Variants in CCT6A observed in about 807,000 individuals in gnomAD.
CCT6A encodes the protein chaperonin containing TCP1 subunit 6A.
CCT6A carries 6 observed loss-of-function variants against 58.6 expected under a neutral mutation model. The observed-to-expected ratio is 0.10, with a 90% confidence interval of 0.06 to 0.20. The LOEUF (loss-of-function observed/expected upper bound fraction) is 0.20, where lower values mean the gene tolerates loss of function less well. Ranked by LOEUF, CCT6A falls within the 10% of genes least tolerant of loss-of-function variation. CCT6A has a pLI of 1.00. For missense variants in CCT6A, 516 were observed against 648.8 expected (o/e 0.80, Z 2.22); for synonymous variants, 245 against 227.8 (o/e 1.08, Z -0.68).
intron 3 of CCT6A, 172 bp from the exon 4 acceptor site, chr7:56,055,452 A>G (rs188279367): frequency 7.2e-6 from 5 of 693,966 alleles, no homozygotes; most frequent in Admixed American, 4.4e-5. Context: ...TCTGCTCTGC[A>G]TTGAAAGGAA....
intron 1 of CCT6A, 74 bp downstream of exon 1, chr7:56,052,059 G>C: frequency 8.0e-7 from 1 of 1,244,428 alleles, no homozygotes; most frequent in East Asian, 3.2e-5. Context: ...CGGGACCGCG[G>C]ACTGGAGCCC....
intron 2 of CCT6A, among the ~76,000 whole-genome samples, chr7:56,053,739 CAGAG>C (rs1794242598): frequency 6.6e-6 from 1 of 152,074 alleles, no homozygotes; most frequent in Non-Finnish European, 1.5e-5. Context: ...GTGTAGGAGA[CAGAG>C]TGAGGGTATC....
intron 10 of CCT6A, 61 bp downstream of exon 10, chr7:56,060,477 C>T (rs772110745): frequency 4.0e-5 from 62 of 1,536,430 alleles, no homozygotes; most frequent in Non-Finnish European, 4.9e-5. Context: ...AAGGCATGGC[C>T]GAATACTGTG....
At chr7:56,061,278 TTGC>T (rs1186104106) in intron 11 of CCT6A, among the ~76,000 whole-genome samples, 1 of 152,174 alleles carries the variant, frequency 6.6e-6, no homozygotes. Flanking sequence ...GACTGGTGTA[TTGC>T]TGCTGGGTTT....
intron 3 of CCT6A, chr7:56,055,380 C>G (rs1045282635): frequency 3.4e-6 from 2 of 587,252 alleles, no homozygotes; most frequent in Non-Finnish European, 6.2e-6. Flanking sequence ...CAGTGAACAC[C>G]CAAGTGTGCT....
intron 11 of CCT6A, among the ~76,000 whole-genome samples, chr7:56,061,235 T>C (rs1304213535): frequency 6.6e-6 from 1 of 152,236 alleles, no homozygotes; most frequent in Non-Finnish European, 1.5e-5. Flanking sequence ...ATCATTGTTT[T>C]CTATTATATA....
intron 11 of CCT6A, 76 bp from the exon 12 acceptor site, chr7:56,061,661 CTTTTTTCTTT>C: frequency 1.7e-6 from 1 of 591,388 alleles, no homozygotes; most frequent in East Asian, 3.7e-5. Context: ...TTTTCTTTTT[CTTTTTTCTTT>C]TTTTTTTTTT....
chr7:56,058,277 C>G (rs1354087494), intron 6 of CCT6A, 85 bp from the exon 7 acceptor site: 3 of 1,047,328 alleles, frequency 2.9e-6, no homozygotes, highest in South Asian at 3.3e-5. Context: ...GCTCAGTGAA[C>G]TGTTAAATCT....
chr7:56,056,394 T>C lies in CCT6A; in HGVS notation c.594T>C (p.His198=). The C allele has an allele frequency of 6.4e-7, 1 of 1,559,046 alleles. No individual in the cohort carries two copies. The highest frequency in any genetic ancestry group is 8.9e-7 in the Non-Finnish European group (1 of 1,129,900). The change falls in exon 5 of 14, where the codon CAT becomes CAC. Residue 198 remains histidine, a synonymous_variant. Coordinates refer to ENST00000275603, the MANE Select transcript of CCT6A (RefSeq NM_001762.4). ...TGATTGAGATCATGGAGATGAAACA[T>C]AAATCTGAAACTGATACAAGGTAGG... ...LFMIEIMEMK[H]KSETDTSLIR...
chr7:56,055,966 T>C (rs1794295400), intron 4 of CCT6A, 169 bp downstream of exon 4: 1 of 566,796 alleles, frequency 1.8e-6, no homozygotes, highest in Non-Finnish European at 3.0e-6. Context: ...ATTAAAATAA[T>C]AGTATACCTA....
At chr7:56,052,602 A>C (rs1794168656) in intron 2 of CCT6A, 117 bp downstream of exon 2, 1 of 866,470 alleles carries the variant, frequency 1.2e-6, no homozygotes. Flanking sequence ...AGTGGCGTGT[A>C]ATCAGTAATA....
intron 3 of CCT6A, 85 bp from the exon 4 acceptor site, chr7:56,055,539 A>G: frequency 8.9e-7 from 1 of 1,128,910 alleles, no homozygotes; most frequent in Non-Finnish European, 1.3e-6. Flanking sequence ...GATCCAGAAC[A>G]CTCCTTCAAT....
Position 56,051,858 on chromosome 7 carries a change from G to T in CCT6A, c.10G>T (p.Val4Leu). 1.3e-6 allele frequency: 2 copies of T among 1,560,694 alleles called. No individual in the cohort carries two copies. The highest frequency in any genetic ancestry group is 1.7e-6 in the Non-Finnish European group (2 of 1,153,204). The change falls in exon 1 of 14, where the codon GTG becomes TTG. Residue 4 changes from valine to leucine, a missense_variant. Around this residue, in one of 3 missense-constraint regions of CCT6A, gnomAD observed 116 missense variants for 184.5 expected, o/e 0.63. Transcript: ENST00000275603. ...CTCCGCTGGAGCAGCTATGGCGGCG[G>T]TGAAGACCCTGAACCCCAAGGCCGA... is the stretch of plus-strand genomic sequence containing the variant. The part of the protein sequence containing the change: MAA[V>L]KTLNPKAEVA...
chr7:56,058,161 CT>C (rs1309502365), intron 6 of CCT6A, 58 bp downstream of exon 6: 5 of 1,109,158 alleles, frequency 4.5e-6, no homozygotes, highest in South Asian at 1.3e-5. Flanking sequence ...AGGCGAGTTA[CT>C]TTTTTGTGAA....
Position 56,057,975 on chromosome 7 carries a change from T to TTG in CCT6A, c.615-10_615-9dup. 7.4e-7 allele frequency: 1 copy of TTG among 1,350,146 alleles called. No individual in the cohort carries two copies. Among genetic ancestry groups the TTG allele is most frequent in the South Asian group, 1.2e-5 (1 of 85,578 alleles). 83.6% of individuals were successfully genotyped at this position (1,350,146 alleles called of 1,614,324 possible). A position where few individuals can be genotyped will look rare whatever the true frequency, so the allele number is the denominator to read the frequency against. ...CATCTGAAAATCAATAACCATAATT[T>TTG]TGTGTGTGTTTAAACAGCTTAATCA... On this transcript the variant is annotated splice_polypyrimidine_tract_variant and intron_variant, in intron 5 of 13. Transcript: ENST00000275603.
chr7:56,052,036 C>T, intron 1 of CCT6A, 51 bp downstream of exon 1: 5 of 1,377,174 alleles, frequency 3.6e-6, no homozygotes, highest in Non-Finnish European at 2.8e-6. Context: ...CGCCGCCGCG[C>T]TCCTGGCGGG....
chr7:56,060,456 T>G, intron 10 of CCT6A, 40 bp downstream of exon 10: 2 of 1,606,516 alleles, frequency 1.2e-6, no homozygotes, highest in Non-Finnish European at 1.7e-6. Flanking sequence ...TATATTGTTT[T>G]GCTGGTCTGA....
Position 56,055,705 on chromosome 7 carries a change from A to G in CCT6A, c.418A>G (p.Ser140Gly). ...ALQFLEEVKV[S>G]REMDRETLID... ...TCAGTTTTTGGAAGAAGTCAAAGTAAGCAGAGAGATGGACAGGGAAACACT... is the reference window on the plus strand; with the variant it reads ...TCAGTTTTTGGAAGAAGTCAAAGTAGGCAGAGAGATGGACAGGGAAACACT... Residue 140 changes from serine (S) to glycine (G), a missense_variant, in exon 4 of 14, where the codon AGC becomes GGC. By Grantham distance (56) the Ser-to-Gly change is moderately conservative (BLOSUM62 0). Transcript: ENST00000275603. 1 of 1,613,770 alleles carries G rather than the reference A, an allele frequency of 6.2e-7. No individual in the cohort carries two copies. The highest frequency in any genetic ancestry group is 8.5e-7 in the Non-Finnish European group (1 of 1,179,662).
At chr7:56,057,876 A>G (rs1794347659) in intron 5 of CCT6A, 117 bp from the exon 6 acceptor site, 2 of 656,234 alleles carry the variant, frequency 3.0e-6, no homozygotes, top group Non-Finnish European at 2.7e-6. Flanking sequence ...GCGAGACTTC[A>G]TCTCAAAAAA....
Sources: gnomAD v4.1 joint callset for allele counts (sites outside exome capture counted in the v4.1 genomes callset) on GRCh38, gnomAD v4.1.1 for gene constraint, gnomAD v4.1.1 regional missense constraint, MANE v1.5 for transcripts, NCBI Gene and HGNC (gene_info 2026-07-23, HGNC 2026-07-21) for gene names.